Variants in C14orf132 observed in about 807,000 individuals in gnomAD.
The protein encoded by C14orf132 is uncharacterized protein C14orf132.
C14orf132 carries 6 observed loss-of-function variants against 5.8 expected under a neutral mutation model. The observed-to-expected ratio is 1.03, with a 90% CI of 0.57 to 2.04. The LOEUF (loss-of-function observed/expected upper bound fraction) is 2.04. C14orf132 is among the 30% of genes most tolerant of loss of function. The probability of loss-of-function intolerance (pLI) is 0.00; values close to 1 mark genes in which losing one functional copy is unlikely to be tolerated. For synonymous variants in C14orf132, 51 were observed against 49.8 expected (o/e 1.02, Z -0.10); for missense variants, 125 against 115.8 (o/e 1.08, Z -0.37).
intron 1 of C14orf132, among the ~76,000 whole-genome samples, chr14:96,082,346 C>T (rs2081265628): frequency 6.6e-6 from 1 of 152,162 alleles, no homozygotes; most frequent in African/African-American, 2.4e-5. Flanking sequence ...TCAGCCAACA[C>T]CCCTCATTCT....
intron 1 of C14orf132, among the ~76,000 whole-genome samples, chr14:96,062,345 T>C (rs531900929): frequency 6.6e-6 from 1 of 152,256 alleles, no homozygotes; most frequent in East Asian, 1.9e-4. Context: ...CCTGAACCCC[T>C]AGTCCTCTTT....
At position 96,092,896 on chromosome 14, in the gene C14orf132, G is replaced by C. The variant is rs1888461648; in HGVS notation, c.*6161G>C. 2 of 152,206 alleles carry C rather than the reference G, an allele frequency of 1.3e-5. No individual in the cohort carries two copies. Among genetic ancestry groups the C allele is most frequent in the African/African-American group, 4.8e-5 (2 of 41,440 alleles). 9.4% of individuals were successfully genotyped at this position (152,206 alleles called of 1,614,324 possible). ...GACTGCTATTGGTATCTCATGGGTG[G>C]AGGCCAGGGATGCCACCGAACATCC... On this transcript the variant is annotated 3_prime_UTR_variant, in exon 2 of 2. Coordinates refer to ENST00000555004, the MANE Select transcript of C14orf132 (RefSeq NM_001252507.3).
chr14:96,078,639 G>A (rs952927851), intron 1 of C14orf132, among the ~76,000 whole-genome samples: 5 of 152,132 alleles, frequency 3.3e-5, no homozygotes, highest in Non-Finnish European at 7.4e-5. Context: ...TTCTCATGTT[G>A]AGACAGGGAA....
intron 1 of C14orf132, among the ~76,000 whole-genome samples, chr14:96,077,849 G>A (rs1887921963): frequency 1.3e-5 from 2 of 152,264 alleles, no homozygotes; most frequent in South Asian, 4.1e-4. Context: ...CGACATGGCA[G>A]GGGTTTGCAC....
intron 1 of C14orf132, among the ~76,000 whole-genome samples, chr14:96,056,315 C>T (rs903937228): frequency 2.6e-5 from 4 of 152,092 alleles, no homozygotes; most frequent in Non-Finnish European, 4.4e-5. Flanking sequence ...CTGCCCAGGG[C>T]GGCCTGCAAG....
intron 1 of C14orf132, 93 bp from the exon 2 acceptor site, chr14:96,086,418 G>C (rs1004488244): frequency 9.0e-7 from 1 of 1,116,350 alleles, no homozygotes; most frequent in African/African-American, 1.5e-5. Flanking sequence ...GTAGCTTCAT[G>C]TGGGGTTGTT....
chr14:96,061,846 G>A (rs1887367198), intron 1 of C14orf132, among the ~76,000 whole-genome samples: 1 of 152,106 alleles, frequency 6.6e-6, no homozygotes, highest in Non-Finnish European at 1.5e-5. Flanking sequence ...AGAGTTTGAG[G>A]CTACAGTGAG....
At chr14:96,083,818 T>C (rs942925914) in intron 1 of C14orf132, among the ~76,000 whole-genome samples, 1 of 152,206 alleles carries the variant, frequency 6.6e-6, no homozygotes, top group Admixed American at 6.5e-5. Context: ...GACAGGAAAC[T>C]GACCTGCAAA....
intron 1 of C14orf132, among the ~76,000 whole-genome samples, chr14:96,045,594 A>T (rs564344424): frequency 6.6e-6 from 1 of 152,376 alleles, no homozygotes; most frequent in Non-Finnish European, 1.5e-5. Context: ...CCCCTTGCTC[A>T]TGCCATGCAG....
At chr14:96,047,141 A>G (rs1188080012) in intron 1 of C14orf132, among the ~76,000 whole-genome samples, 1 of 152,212 alleles carries the variant, frequency 6.6e-6, no homozygotes, top group African/African-American at 2.4e-5. Context: ...TCAGGTTTCC[A>G]TTGCAAAGAT....
chr14:96,047,268 A>G (rs1209551993), intron 1 of C14orf132, among the ~76,000 whole-genome samples: 2 of 152,210 alleles, frequency 1.3e-5, no homozygotes, highest in African/African-American at 4.8e-5. Context: ...TTTGTAGACC[A>G]AATTTCTAGT....
Position 96,039,792 on chromosome 14 carries a change from G to A in C14orf132, c.27+265G>A, listed in dbSNP as rs1886636752. 6.6e-6 allele frequency among the ~76,000 whole-genome samples: 1 copy of A among 152,190 alleles called. No individual in the cohort carries two copies. Among genetic ancestry groups the A allele is most frequent in the Non-Finnish European group, 1.5e-5 (1 of 68,014 alleles). ...GGCCCCTCTCGTTGGCAGGAAGGCT[G>A]CGAGGAGCCTGGGCAGCCCGAGTCG... On this transcript the variant is annotated intron_variant, in intron 1 of 1. Coordinates refer to ENST00000555004, the MANE Select transcript of C14orf132 (RefSeq NM_001252507.3). The surrounding 1 kb of genome is among the most constrained non-coding windows in gnomAD (Gnocchi z 5.3).
At chr14:96,065,228 G>A (rs1023390012) in intron 1 of C14orf132, among the ~76,000 whole-genome samples, 3 of 152,132 alleles carry the variant, frequency 2.0e-5, no homozygotes, top group African/African-American at 7.3e-5. Flanking sequence ...CCCCTGGGGA[G>A]GAGGGTGCAG....
intron 1 of C14orf132, among the ~76,000 whole-genome samples, chr14:96,084,306 A>G (rs1399443729): frequency 6.6e-6 from 1 of 150,878 alleles, no homozygotes. Context: ...GGGCAGAACA[A>G]TCCCCTGCAG....
rs986337108 is a variant in C14orf132, at chr14:96,093,827, A to T, written c.*7092A>T. 12 of 152,368 alleles carry T rather than the reference A, an allele frequency of 7.9e-5. No homozygotes were observed. The highest frequency in any genetic ancestry group is 2.9e-4 in the African/African-American group (12 of 41,588). 9.4% of individuals were successfully genotyped at this position (152,368 alleles called of 1,614,324 possible). ...TGTATCTGTGAAATCTCACTTTGTT[A>T]GCGTTGCTGCTGTTGTCATTTTCTA... On this transcript the variant is annotated 3_prime_UTR_variant, in exon 2 of 2. Coordinates refer to ENST00000555004, the MANE Select transcript of C14orf132 (RefSeq NM_001252507.3).
rs1237643653 is a variant in C14orf132 at position 96,088,689 on chromosome 14, C to A, written c.*1954C>A. On this transcript the variant is annotated 3_prime_UTR_variant, in exon 2 of 2. Coordinates refer to ENST00000555004, the MANE Select transcript of C14orf132 (RefSeq NM_001252507.3). ...ACTCTGCCCCACATGCTCAAATCTT[C>A]CCTCTGGCCCCACATCCCTAGGAGG... 2 of 152,264 alleles carry A rather than the reference C, an allele frequency of 1.3e-5. No individual in the cohort carries two copies. The highest frequency in any genetic ancestry group is 4.1e-4 in the South Asian group (2 of 4,834). The allele number at this position is 152,264 out of a possible 1,614,324, so 9.4% of individuals were successfully genotyped here.
At chr14:96,065,539 G>T (rs751134495) in intron 1 of C14orf132, among the ~76,000 whole-genome samples, 18 of 152,004 alleles carry the variant, frequency 1.2e-4, no homozygotes, top group African/African-American at 1.7e-4. Context: ...TATTCCTTTT[G>T]TCCTCTCCTC....
In C14orf132 at chr14:96,059,984, C is replaced by T. The variant is rs187902343; in HGVS notation, c.27+20457C>T. Among the ~76,000 whole-genome samples, 201 of 152,304 alleles carry T rather than the reference C, an allele frequency of 1.3e-3. 1 individual carries two copies. The highest frequency in any genetic ancestry group is 4.4e-3 in the African/African-American group (184 of 41,550). On this transcript the variant is annotated intron_variant, in intron 1 of 1. Coordinates refer to ENST00000555004, the MANE Select transcript of C14orf132 (RefSeq NM_001252507.3). ...AGTCAGGCTGAGACACATGCAGCTC[C>T]CCATAGTGGTGCCCCAAATTTTCAG... is the stretch of plus-strand genomic sequence containing the variant.
At chr14:96,074,397 T>A (rs770188869) in intron 1 of C14orf132, among the ~76,000 whole-genome samples, 32 of 152,244 alleles carry the variant, frequency 2.1e-4, no homozygotes, top group Non-Finnish European at 2.4e-4. Context: ...TGTTTTCTTG[T>A]ATGGATTATG....
Sources: allele counts gnomAD v4.1 joint callset (sites outside exome capture counted in the v4.1 genomes callset), GRCh38; gene constraint gnomAD v4.1.1; non-coding constraint Gnocchi (gnomAD v3.1); transcripts MANE v1.5; gene names NCBI Gene and HGNC (gene_info 2026-07-23, HGNC 2026-07-21).